Variants in DACH2 observed in about 807,000 individuals in gnomAD.
DACH2 encodes dachshund homolog 2.
A neutral mutation model predicts 35.8 loss-of-function variants in DACH2; 17 were observed. That is an observed-to-expected ratio of 0.48 (90% CI 0.33 to 0.71). DACH2 has a LOEUF of 0.71. Ranked by LOEUF, DACH2 falls within the 30% of genes least tolerant of loss-of-function variation. DACH2 has a pLI of 0.02. For synonymous variants in DACH2, 195 were observed against 177.3 expected, an observed-to-expected ratio of 1.10 and a Z score of -0.79; for missense variants, 469 against 472.7, an observed-to-expected ratio of 0.99 and a Z score of 0.07.
At position 86,698,521 on chromosome X, in the gene DACH2, G is replaced by GTTTTTTTTTTTTTTTTTTTTTTTT. The variant is rs767152609; in HGVS notation, c.931+3346_931+3369dup. 8.5e-4 allele frequency among the ~76,000 whole-genome samples: 28 copies of GTTTTTTTTTTTTTTTTTTTTTTTT among 32,955 alleles called. 4 individuals carry two copies. Among genetic ancestry groups the GTTTTTTTTTTTTTTTTTTTTTTTT allele is most frequent in the East Asian group, 6.9e-3 (4 of 579 alleles). The allele number at this position is 32,955 out of a possible 115,157, so 28.6% of individuals were successfully genotyped here. ...CTTCTTTTTGTTTTGTTAGTTTTGT[G>GTTTTTTTTTTTTTTTTTTTTTTTT]TTTTTTTTTTTTTTTTTTTTTTTTT... On this transcript the variant is annotated intron_variant, in intron 5 of 11. Coordinates refer to ENST00000373125, the MANE Select transcript of DACH2 (RefSeq NM_053281.3).
chrX:86,530,093 C>T (rs1264854698), intron 3 of DACH2, among the ~76,000 whole-genome samples: 1 of 109,888 alleles, frequency 9.1e-6, no homozygotes, highest in Non-Finnish European at 1.9e-5. Context: ...CTAAAGTGAA[C>T]AAGGGCATAG....
At chrX:86,322,145 G>A (rs759110985) in intron 1 of DACH2, among the ~76,000 whole-genome samples, 19 of 111,172 alleles carry the variant, frequency 1.7e-4, no homozygotes, top group South Asian at 7.7e-4. Context: ...GGGCTGAGTC[G>A]ATTGTGCAAT....
intron 2 of DACH2, among the ~76,000 whole-genome samples, chrX:86,380,739 A>G (rs1401013468): frequency 9.1e-6 from 1 of 110,406 alleles, no homozygotes; most frequent in Non-Finnish European, 1.9e-5. Flanking sequence ...TCCTAAAATC[A>G]GTGTGTATCA....
intron 6 of DACH2, among the ~76,000 whole-genome samples, chrX:86,720,759 T>C (rs138811211): frequency 1.8e-5 from 2 of 112,619 alleles, no homozygotes; most frequent in Non-Finnish European, 3.8e-5. Context: ...AGTGGGGGAA[T>C]CTGTGTGGGG....
chrX:86,213,785 C>G (rs1421692545), intron 1 of DACH2, among the ~76,000 whole-genome samples: 1 of 110,843 alleles, frequency 9.0e-6, no homozygotes, highest in Non-Finnish European at 1.9e-5. Flanking sequence ...TCTTTTCTTC[C>G]CTGTCTTAAA....
chrX:86,664,119 G>A (rs999429152), intron 4 of DACH2, among the ~76,000 whole-genome samples: 23 of 111,810 alleles, frequency 2.1e-4, no homozygotes, highest in African/African-American at 7.5e-4. Flanking sequence ...TTTTAGACTT[G>A]TTTCTACTAC....
At chrX:86,373,232 C>A (rs1293520266) in intron 1 of DACH2, among the ~76,000 whole-genome samples, 1 of 110,381 alleles carries the variant, frequency 9.1e-6, no homozygotes, top group Non-Finnish European at 1.9e-5. Context: ...TTTTTAAGTT[C>A]TTTGAGAAAT....
chrX:86,271,332 A>G (rs1009845018), intron 1 of DACH2, among the ~76,000 whole-genome samples: 1 of 112,330 alleles, frequency 8.9e-6, no homozygotes, highest in African/African-American at 3.2e-5. Flanking sequence ...ATTTCAAGGC[A>G]AATTCAAATT....
chrX:86,168,435 T>C (rs751903360), intron 1 of DACH2, among the ~76,000 whole-genome samples: 3 of 111,314 alleles, frequency 2.7e-5, no homozygotes, highest in African/African-American at 9.8e-5. Flanking sequence ...TATTTATAGG[T>C]GAAGTGTGTT....
intron 2 of DACH2, among the ~76,000 whole-genome samples, chrX:86,462,463 AT>A (rs753890355): frequency 2.6e-4 from 29 of 111,200 alleles, no homozygotes; most frequent in Non-Finnish European, 5.3e-4. Flanking sequence ...AATGAGGAAA[AT>A]TTTACAGTTG....
intron 3 of DACH2, among the ~76,000 whole-genome samples, chrX:86,580,075 C>G (rs867598722): frequency 1.8e-5 from 2 of 111,671 alleles, no homozygotes; most frequent in South Asian, 3.8e-4. Context: ...AGCCCAGTAC[C>G]AGCTCATGAG....
intron 1 of DACH2, among the ~76,000 whole-genome samples, chrX:86,258,757 A>T (rs2033571427): frequency 8.9e-6 from 1 of 111,951 alleles, no homozygotes; most frequent in African/African-American, 3.2e-5. Context: ...TCTTTGAACA[A>T]CTTGTTCTTT....
chrX:86,390,110 C>T (rs375024768), intron 2 of DACH2, among the ~76,000 whole-genome samples: 10 of 111,410 alleles, frequency 9.0e-5, no homozygotes, highest in East Asian at 5.7e-4. Flanking sequence ...TATTAGCTCT[C>T]GTTTAAAACA....
At chrX:86,173,272 G>T (rs1049808053) in intron 1 of DACH2, among the ~76,000 whole-genome samples, 5 of 112,177 alleles carry the variant, frequency 4.5e-5, no homozygotes, top group Non-Finnish European at 9.4e-5. Flanking sequence ...TTGAAAAAGA[G>T]ATTATATTCT....
intron 6 of DACH2, among the ~76,000 whole-genome samples, chrX:86,737,126 A>C (rs1454373446): frequency 8.9e-6 from 1 of 111,888 alleles, no homozygotes; most frequent in Non-Finnish European, 1.9e-5. Context: ...TATTTTTAAA[A>C]AGTGAAAGGG....
At chrX:86,622,802 C>G (rs1338297223) in intron 3 of DACH2, among the ~76,000 whole-genome samples, 1 of 111,088 alleles carries the variant, frequency 9.0e-6, no homozygotes, top group Non-Finnish European at 1.9e-5. Context: ...ATTTTTCATT[C>G]TTCTTGTCAT....
intron 2 of DACH2, among the ~76,000 whole-genome samples, chrX:86,476,000 C>T (rs1191902200): frequency 8.9e-6 from 1 of 112,137 alleles, no homozygotes; most frequent in Non-Finnish European, 1.9e-5. Flanking sequence ...GTATGTGGAA[C>T]CATTGTTGTA....
chrX:86,414,433 C>A lies in DACH2; in HGVS notation c.527+37571C>A, dbSNP rs758172621. Among the ~76,000 whole-genome samples, 3 of 111,349 alleles carry A rather than the reference C, an allele frequency of 2.7e-5. No individual in the cohort carries two copies. The East Asian group carries it at 8.5e-4, about 32-fold the overall frequency. On this transcript the variant is annotated intron_variant, in intron 2 of 11. Transcript: ENST00000373125. Reference sequence around the variant, plus strand: ...TTTGAGTGTGGCCAGTTGGTCCCTGCTATCTTGGGATCCAATTATTCCCAT... The same window carrying A: ...TTTGAGTGTGGCCAGTTGGTCCCTGATATCTTGGGATCCAATTATTCCCAT...
chrX:86,568,506 T>C (rs948949109), intron 3 of DACH2, among the ~76,000 whole-genome samples: 4 of 111,529 alleles, frequency 3.6e-5, no homozygotes, highest in East Asian at 5.7e-4. Flanking sequence ...ATTAAAACTT[T>C]CAGTAATTGG....
Sources: gnomAD v4.1 joint callset for allele counts (sites outside exome capture counted in the v4.1 genomes callset) on GRCh38, gnomAD v4.1.1 for gene constraint, MANE v1.5 for transcripts, NCBI Gene and HGNC (gene_info 2026-07-23, HGNC 2026-07-21) for gene names.